CAST: variants seen among roughly 807,000 people sequenced by gnomAD.
CAST encodes calpastatin.
A neutral mutation model predicts 119.6 loss-of-function variants in CAST; 76 were observed. The ratio of observed to expected loss-of-function variants is 0.64; its 90% CI spans 0.53 to 0.77. The LOEUF (loss-of-function observed/expected upper bound fraction) is 0.77. Ranked by LOEUF, CAST falls within the 30% of genes least tolerant of loss-of-function variation. CAST has a pLI of 0.00. For synonymous variants in CAST, 319 were observed against 331.6 expected (o/e 0.96, Z 0.41); for missense variants, 953 against 946.5 (o/e 1.01, Z -0.09).
chr5:96,519,648 C>G, the CAST span, among the ~76,000 whole-genome samples: 2 of 152,156 alleles, frequency 1.3e-5, no homozygotes, highest in Non-Finnish European at 1.5e-5. Context: ...ACTCTGTTGT[C>G]CAGGCTGGAG....
At chr5:96,695,465 G>A (rs533478750) in intron 2 of CAST, among the ~76,000 whole-genome samples, 1 of 152,104 alleles carries the variant, frequency 6.6e-6, no homozygotes, top group South Asian at 2.1e-4. Flanking sequence ...TTTACAAGTA[G>A]AATAGCATCT....
the CAST span, among the ~76,000 whole-genome samples, chr5:96,519,831 T>C: frequency 6.6e-6 from 1 of 152,162 alleles, no homozygotes; most frequent in Admixed American, 6.5e-5. Context: ...GGTCTCAAAC[T>C]CCCAACCTCA....
At chr5:96,268,531 T>C in the CAST span, among the ~76,000 whole-genome samples, 1 of 152,052 alleles carries the variant, frequency 6.6e-6, no homozygotes, top group African/African-American at 2.4e-5. Flanking sequence ...TGAGGTATGA[T>C]TGCACCACTG....
the CAST span, among the ~76,000 whole-genome samples, chr5:96,305,556 G>A: frequency 6.6e-6 from 1 of 152,078 alleles, no homozygotes. Flanking sequence ...GTGCTTCCTG[G>A]TTTTGCCCAT....
chr5:96,655,658 G>C (rs1748149059), intron 1 of CAST, among the ~76,000 whole-genome samples: 1 of 152,204 alleles, frequency 6.6e-6, no homozygotes, highest in Admixed American at 6.5e-5. Context: ...CATCTTAGTA[G>C]TAGGCAATTT....
the CAST span, among the ~76,000 whole-genome samples, chr5:96,450,901 GT>G: frequency 1.3e-5 from 2 of 151,984 alleles, no homozygotes; most frequent in East Asian, 3.9e-4. Context: ...TGAGTCCCAG[GT>G]AGCTAATCTT....
chr5:96,325,376 T>C, the CAST span, among the ~76,000 whole-genome samples: 4,981 of 102,020 alleles, frequency 0.049, 84 homozygotes, highest in South Asian at 0.067. Context: ...TTTCTTTTCT[T>C]TCTTCTTTCT....
chr5:96,591,848 T>A (rs758426607), intron 1 of CAST, among the ~76,000 whole-genome samples: 16 of 152,214 alleles, frequency 1.1e-4, no homozygotes, highest in Non-Finnish European at 1.9e-4. Context: ...TACCAAAGAC[T>A]GAACTTTGGA....
the CAST span, among the ~76,000 whole-genome samples, chr5:96,173,739 C>T: frequency 1.8e-5 from 2 of 111,526 alleles, no homozygotes; most frequent in Admixed American, 2.1e-4. Context: ...GATAAATGAA[C>T]TTTTTTTTTT....
intron 1 of CAST, chr5:96,662,875 G>T (rs1748752851): frequency 1.6e-5 from 9 of 569,222 alleles, no homozygotes; most frequent in Non-Finnish European, 2.8e-5. Flanking sequence ...GCTAAGGCCG[G>T]GCCGCAGGGC....
chr5:96,647,956 T>C (rs1168989688), intron 1 of CAST, among the ~76,000 whole-genome samples: 1 of 152,220 alleles, frequency 6.6e-6, no homozygotes, highest in Non-Finnish European at 1.5e-5. Flanking sequence ...AAATGAGCTG[T>C]GACTTTCTCC....
chr5:96,420,805 G>C, the CAST span, among the ~76,000 whole-genome samples: 10 of 151,842 alleles, frequency 6.6e-5, 2 homozygotes, highest in African/African-American at 2.2e-4. Context: ...GAGAGAGAGA[G>C]AGAGACAGAG....
intron 1 of CAST, among the ~76,000 whole-genome samples, chr5:96,573,395 C>G (rs1303556836): frequency 6.6e-6 from 1 of 152,102 alleles, no homozygotes; most frequent in Non-Finnish European, 1.5e-5. Context: ...CTTTGGGAGG[C>G]TGAGGCAGGA....
intron 1 of CAST, among the ~76,000 whole-genome samples, chr5:96,566,009 C>T (rs1385696793): frequency 6.6e-6 from 1 of 152,158 alleles, no homozygotes; most frequent in Non-Finnish European, 1.5e-5. Context: ...ATCATCAGCC[C>T]TAGTATCCCT....
At chr5:96,124,623 C>T in the CAST span, among the ~76,000 whole-genome samples, 2 of 152,002 alleles carry the variant, frequency 1.3e-5, no homozygotes, top group Admixed American at 6.6e-5. Flanking sequence ...ATTTTCCTTT[C>T]GTTAATTCCT....
At chr5:96,065,437 A>ATCTGTGTGTGTGTGTGTG in the CAST span, among the ~76,000 whole-genome samples, 1 of 151,198 alleles carries the variant, frequency 6.6e-6, no homozygotes, top group Non-Finnish European at 1.5e-5. Flanking sequence ...GTGTGTATTT[A>ATCTGTGTGTGTGTGTGTG]TATGTATATA....
At chr5:96,460,203 T>C in the CAST span, among the ~76,000 whole-genome samples, 1 of 151,966 alleles carries the variant, frequency 6.6e-6, no homozygotes, top group South Asian at 2.1e-4. Flanking sequence ...TTGACAAGGG[T>C]TTTCATGACA....
the CAST span, among the ~76,000 whole-genome samples, chr5:96,375,938 AATATAAATATATATAT>A: frequency 6.8e-6 from 1 of 147,426 alleles, no homozygotes; most frequent in South Asian, 2.1e-4. Context: ...AATATATATA[AATATAAATATATATAT>A]ATATCTCCTA....
chr5:96,585,306 G>T (rs1354436142), intron 1 of CAST, among the ~76,000 whole-genome samples: 1 of 152,010 alleles, frequency 6.6e-6, no homozygotes, highest in Non-Finnish European at 1.5e-5. Context: ...TATTCCAGTT[G>T]ATTTCCCCAC....
Sources: allele counts gnomAD v4.1 joint callset (sites outside exome capture counted in the v4.1 genomes callset), GRCh38; gene constraint gnomAD v4.1.1; transcripts MANE v1.5; gene names NCBI Gene and HGNC (gene_info 2026-07-23, HGNC 2026-07-21).